POU2F3: variants seen among roughly 807,000 people sequenced by gnomAD.
The protein encoded by POU2F3 is POU class 2 homeobox 3, also known as POU domain, class 2, transcription factor 3.
In POU2F3, 23 loss-of-function variants were observed where a neutral mutation model predicts 59.2. That is an observed-to-expected ratio of 0.39 (90% confidence interval 0.28 to 0.55). POU2F3 has a LOEUF of 0.55. POU2F3 is among the 20% of genes least tolerant of loss of function. POU2F3 has a pLI of 0.66. For synonymous variants in POU2F3, 190 were observed against 214.6 expected (o/e 0.89, Z 1.00); for missense variants, 473 against 544.5 (o/e 0.87, Z 1.31).
chr11:120,289,207 C>A (rs1211575455), intron 3 of POU2F3, among the ~76,000 whole-genome samples: 2 of 152,158 alleles, frequency 1.3e-5, no homozygotes, highest in Non-Finnish European at 2.9e-5. Context: ...GTCCTGGAAG[C>A]ATTCAACAGA....
rs768407674 is a variant in POU2F3, at chr11:120,317,408, G to A, written c.1271+44G>A. 44 of 1,609,584 alleles carry A rather than the reference G, an allele frequency of 2.7e-5. 1 individual carries two copies. In the East Asian group the frequency reaches 8.7e-4, roughly 32 times the overall value. On this transcript the variant is annotated intron_variant, in intron 12 of 12. Coordinates refer to ENST00000543440, the MANE Select transcript of POU2F3 (RefSeq NM_014352.4). ...TGCAGAGACATCCCAGCAGGGCCAA[G>A]GGACATGTGAGAAGCTGAGCCTATG...
intron 8 of POU2F3, among the ~76,000 whole-genome samples, chr11:120,307,046 C>T (rs1482483100): frequency 2.6e-5 from 4 of 152,228 alleles, no homozygotes; most frequent in African/African-American, 9.7e-5. Flanking sequence ...CTTTTGGCTG[C>T]AAATCTCATT....
At chr11:120,275,081 G>A (rs1940265043) in intron 3 of POU2F3, among the ~76,000 whole-genome samples, 1 of 152,192 alleles carries the variant, frequency 6.6e-6, no homozygotes, top group Non-Finnish European at 1.5e-5. Context: ...TGAGGGGTGA[G>A]TAGGAGTCAA....
intron 1 of POU2F3, among the ~76,000 whole-genome samples, chr11:120,242,759 G>A (rs552235051): frequency 6.6e-6 from 1 of 152,156 alleles, no homozygotes; most frequent in East Asian, 1.9e-4. Flanking sequence ...TGGAGCCTTC[G>A]CACCTTGTAC....
Position 120,318,419 on chromosome 11 carries a change from TG to T in POU2F3, c.*29del. On this transcript the variant is annotated 3_prime_UTR_variant, in exon 13 of 13. Transcript: ENST00000543440. ...ACCAAAAAGTTTCTCCTACTCCAGC[TG>T]GCCCTGTATTCCCCCTGGAAGGAAG... 1 of 1,558,114 alleles carries T rather than the reference TG, an allele frequency of 6.4e-7. No homozygotes were observed. The highest frequency in any genetic ancestry group is 8.9e-7 in the Non-Finnish European group (1 of 1,129,014).
At chr11:120,259,882 A>G (rs1939517273) in intron 2 of POU2F3, among the ~76,000 whole-genome samples, 1 of 152,228 alleles carries the variant, frequency 6.6e-6, no homozygotes. Flanking sequence ...AAATGTAGGC[A>G]TAATGTCTGG....
chr11:120,273,541 T>G (rs1940169290), intron 3 of POU2F3, among the ~76,000 whole-genome samples: 1 of 152,174 alleles, frequency 6.6e-6, no homozygotes, highest in Non-Finnish European at 1.5e-5. Context: ...TGGGGCTTAT[T>G]CTGTGGGCAG....
upstream of POU2F3, among the ~76,000 whole-genome samples, chr11:120,238,069 C>T (rs1160834495): frequency 2.6e-5 from 4 of 151,978 alleles, no homozygotes; most frequent in South Asian, 2.1e-4. Flanking sequence ...GGAGAAACCC[C>T]GTCTCTACTA....
At chr11:120,299,827 C>T (rs1941297634) in intron 5 of POU2F3, 101 bp downstream of exon 5, 3 of 952,526 alleles carry the variant, frequency 3.1e-6, no homozygotes, top group Non-Finnish European at 4.7e-6. Context: ...GAGCATGCGT[C>T]AGTCAGTCAC....
chr11:120,248,364 T>C (rs1938954151), intron 2 of POU2F3, among the ~76,000 whole-genome samples: 1 of 152,188 alleles, frequency 6.6e-6, no homozygotes, highest in Non-Finnish European at 1.5e-5. Context: ...CCTTGTCCCT[T>C]TTGTAAAGGG....
chr11:120,264,991 G>A (rs919716645), intron 2 of POU2F3, among the ~76,000 whole-genome samples: 1 of 152,190 alleles, frequency 6.6e-6, no homozygotes, highest in Non-Finnish European at 1.5e-5. Context: ...TGACTGGCCA[G>A]TTGCCTTAAT....
rs755686756 is a variant in POU2F3, at chr11:120,318,415, C to T, written c.*23C>T. 9 of 1,567,996 alleles carry T rather than the reference C, an allele frequency of 5.7e-6. No individual in the cohort carries two copies. The South Asian group carries it at 6.7e-5, about 12-fold the overall frequency. On this transcript the variant is annotated 3_prime_UTR_variant, in exon 13 of 13. Coordinates refer to ENST00000543440, the MANE Select transcript of POU2F3 (RefSeq NM_014352.4). ...TGAGACCAAAAAGTTTCTCCTACTC[C>T]AGCTGGCCCTGTATTCCCCCTGGAA...
rs112081577 is a variant in POU2F3, at chr11:120,317,645, A to G, written c.1271+281A>G. ...TGAGGGTGGAAATTTCCAAACACTCATGTCAGAAAGAGCCAGGTCCTTTGC... is the reference window on the plus strand; with the variant it reads ...TGAGGGTGGAAATTTCCAAACACTCGTGTCAGAAAGAGCCAGGTCCTTTGC... On this transcript the variant is annotated intron_variant, in intron 12 of 12. Coordinates refer to ENST00000543440, the MANE Select transcript of POU2F3 (RefSeq NM_014352.4). 7.2e-3 allele frequency among the ~76,000 whole-genome samples: 1,099 copies of G among 152,314 alleles called. 13 individuals are homozygous for G. The highest frequency in any genetic ancestry group is 0.025 in the African/African-American group (1,019 of 41,584).
At chr11:120,288,127 C>CAAAAA (rs1491240764) in intron 3 of POU2F3, among the ~76,000 whole-genome samples, 3 of 7,642 alleles carry the variant, frequency 3.9e-4, no homozygotes, top group African/African-American at 1.0e-3. Flanking sequence ...AACAAAAAAA[C>CAAAAA]CAAAAAAAAA....
Position 120,319,497 on chromosome 11 carries a change from G to A in POU2F3, c.*1105G>A, listed in dbSNP as rs531015233. ...TTGCTCCAGCCCAGGCTGGAGTGCAGTGGCATGATCTTGGCTCACTGCATG... is the reference window on the plus strand; with the variant it reads ...TTGCTCCAGCCCAGGCTGGAGTGCAATGGCATGATCTTGGCTCACTGCATG... On this transcript the variant is annotated 3_prime_UTR_variant, in exon 13 of 13. Transcript: ENST00000543440. 1 of 142,024 alleles carries A rather than the reference G, an allele frequency of 7.0e-6. No individual in the cohort carries two copies. Among genetic ancestry groups the A allele is most frequent in the Non-Finnish European group, 1.5e-5 (1 of 66,492 alleles). 8.8% of individuals were successfully genotyped at this position (142,024 alleles called of 1,614,324 possible).
chr11:120,294,578 C>A (rs1941132019), intron 3 of POU2F3, among the ~76,000 whole-genome samples: 1 of 152,200 alleles, frequency 6.6e-6, no homozygotes, highest in African/African-American at 2.4e-5. Flanking sequence ...ACAACCAACA[C>A]CCAGTTGCCT....
chr11:120,311,576 A>C (rs182580222), intron 10 of POU2F3, among the ~76,000 whole-genome samples: 3 of 152,198 alleles, frequency 2.0e-5, no homozygotes, highest in African/African-American at 7.2e-5. Flanking sequence ...GAACAAGAAA[A>C]GCAGGAGGAG....
upstream of POU2F3, among the ~76,000 whole-genome samples, chr11:120,238,182 G>A (rs976848837): frequency 4.6e-5 from 7 of 152,164 alleles, no homozygotes; most frequent in Non-Finnish European, 8.8e-5. Context: ...GGAGATTGCC[G>A]TGAGCCGAGA....
At chr11:120,276,203 G>C (rs892441968) in intron 3 of POU2F3, among the ~76,000 whole-genome samples, 2 of 152,168 alleles carry the variant, frequency 1.3e-5, no homozygotes, top group Non-Finnish European at 2.9e-5. Flanking sequence ...GAGCAAGGGA[G>C]GGAATGAATA....
Sources: gnomAD v4.1 joint callset for allele counts (sites outside exome capture counted in the v4.1 genomes callset) on GRCh38, gnomAD v4.1.1 for gene constraint, MANE v1.5 for transcripts, NCBI Gene and HGNC (gene_info 2026-07-23, HGNC 2026-07-21) for gene names.